The following ACYP2 variants were observed in gnomAD, a reference collection of about 807,000 sequenced individuals.
The protein encoded by ACYP2 is acylphosphatase 2, also known as acylphosphatase-2.
A neutral mutation model predicts 11.2 loss-of-function variants in ACYP2; 12 were observed. The ratio of observed to expected loss-of-function variants is 1.08; its 90% CI spans 0.69 to 1.74. The LOEUF (loss-of-function observed/expected upper bound fraction) is 1.74, where lower values mean the gene tolerates loss of function less well. Ranked by LOEUF, ACYP2 falls within the 40% of genes most tolerant of loss-of-function variation. The pLI, the probability that ACYP2 is intolerant of heterozygous loss-of-function variation, is 0.00. For missense variants in ACYP2, 134 were observed against 101.9 expected, an observed-to-expected ratio of 1.31 and a Z score of -1.35; for synonymous variants, 43 against 32.2, an observed-to-expected ratio of 1.33 and a Z score of -1.13.
chr2:54,229,072 A>G (rs992283716), intron 6 of ACYP2, among the ~76,000 whole-genome samples: 1 of 152,174 alleles, frequency 6.6e-6, no homozygotes, highest in Non-Finnish European at 1.5e-5. Flanking sequence ...CTCAGAGGCA[A>G]ACAGAAGCAA....
chr2:54,025,243 T>C (rs1674218274), intron 2 of ACYP2, among the ~76,000 whole-genome samples: 1 of 152,158 alleles, frequency 6.6e-6, no homozygotes, highest in African/African-American at 2.4e-5. Context: ...CTAAAATTCA[T>C]ATGGAACCAA....
intron 3 of ACYP2, among the ~76,000 whole-genome samples, chr2:54,054,670 C>G (rs1676029198): frequency 6.6e-6 from 1 of 152,234 alleles, no homozygotes; most frequent in African/African-American, 2.4e-5. Context: ...CTATACATCT[C>G]TGATAATGAT....
intron 2 of ACYP2, chr2:54,030,703 C>T (rs770613767): frequency 5.6e-5 from 10 of 178,696 alleles, no homozygotes; most frequent in South Asian, 1.2e-4. Context: ...TACTGGAAGA[C>T]GGCGGTTCCA....
At chr2:54,295,347 T>C (rs544177990) in intron 6 of ACYP2, among the ~76,000 whole-genome samples, 5 of 152,368 alleles carry the variant, frequency 3.3e-5, no homozygotes. Flanking sequence ...GCTTGTGTTC[T>C]TCAGAAGGGA....
chr2:54,089,152 C>A (rs555069922), intron 4 of ACYP2, among the ~76,000 whole-genome samples: 3 of 152,210 alleles, frequency 2.0e-5, no homozygotes, highest in Non-Finnish European at 4.4e-5. Flanking sequence ...CAGCAAAGGA[C>A]TAGCTCTTAT....
chr2:54,135,549 C>A, intron 5 of ACYP2, 80 bp downstream of exon 2: 2 of 1,237,904 alleles, frequency 1.6e-6, no homozygotes, highest in Non-Finnish European at 2.3e-6. Context: ...CAGTTTTCTA[C>A]TTGGCGCTAG....
At chr2:54,216,386 A>T (rs1685560045) in intron 6 of ACYP2, among the ~76,000 whole-genome samples, 1 of 152,230 alleles carries the variant, frequency 6.6e-6, no homozygotes, top group African/African-American at 2.4e-5. Flanking sequence ...TTGTCAAATT[A>T]TACAAATATT....
intron 2 of ACYP2, among the ~76,000 whole-genome samples, chr2:54,024,494 A>G (rs1674173590): frequency 6.6e-6 from 1 of 152,244 alleles, no homozygotes; most frequent in Admixed American, 6.5e-5. Flanking sequence ...AAACCACGTG[A>G]TCATCTTAAT....
At chr2:54,301,880 C>G (rs1296666682) in intron 6 of ACYP2, among the ~76,000 whole-genome samples, 1 of 152,128 alleles carries the variant, frequency 6.6e-6, no homozygotes, top group Non-Finnish European at 1.5e-5. Context: ...CAGAACACTC[C>G]TAGCTGAGGA....
chr2:54,046,000 G>T (rs1348177998), intron 2 of ACYP2, among the ~76,000 whole-genome samples: 1 of 151,062 alleles, frequency 6.6e-6, no homozygotes, highest in Non-Finnish European at 1.5e-5. Flanking sequence ...GCAAAACCCA[G>T]TCTCTAAAAA....
At chr2:54,285,428 T>G (rs1407990111) in intron 6 of ACYP2, among the ~76,000 whole-genome samples, 1 of 152,216 alleles carries the variant, frequency 6.6e-6, no homozygotes, top group Non-Finnish European at 1.5e-5. Context: ...CATCTAGCCC[T>G]GTGGCATTAA....
At chr2:54,004,010 G>A (rs1460447121) in intron 2 of ACYP2, among the ~76,000 whole-genome samples, 1 of 151,850 alleles carries the variant, frequency 6.6e-6, no homozygotes, top group African/African-American at 2.4e-5. Flanking sequence ...CTGAGATGGA[G>A]TCTTGCTTTG....
At chr2:54,284,567 C>A (rs975057736) in intron 6 of ACYP2, among the ~76,000 whole-genome samples, 1 of 152,084 alleles carries the variant, frequency 6.6e-6, no homozygotes, top group Admixed American at 6.6e-5. Context: ...TCTATTATTG[C>A]TCTCTTTCAC....
intron 4 of ACYP2, among the ~76,000 whole-genome samples, chr2:54,130,054 C>T (rs1393409050): frequency 2.6e-5 from 4 of 151,846 alleles, no homozygotes; most frequent in Admixed American, 6.6e-5. Context: ...GTGTTGGGGA[C>T]ACAGTGGTAA....
At chr2:54,025,953 T>C (rs13392302) in intron 2 of ACYP2, among the ~76,000 whole-genome samples, 1,644 of 152,056 alleles carry the variant, frequency 0.011, 25 homozygotes, top group African/African-American at 0.038. Flanking sequence ...CCCATCTCCA[T>C]TAAAAATATA....
intron 6 of ACYP2, among the ~76,000 whole-genome samples, chr2:54,148,457 A>G (rs1456703957): frequency 1.3e-5 from 2 of 152,230 alleles, no homozygotes; most frequent in African/African-American, 2.4e-5. Flanking sequence ...AGTGCCTGGC[A>G]TGTAGTAATA....
At chr2:54,092,809 G>C (rs1251585025) in intron 4 of ACYP2, among the ~76,000 whole-genome samples, 1 of 152,196 alleles carries the variant, frequency 6.6e-6, no homozygotes, top group Non-Finnish European at 1.5e-5. Flanking sequence ...GCTCTGCTCA[G>C]ATCCCCACTT....
chr2:54,291,573 G>A (rs1689306875), intron 6 of ACYP2, among the ~76,000 whole-genome samples: 1 of 152,220 alleles, frequency 6.6e-6, no homozygotes, highest in Non-Finnish European at 1.5e-5. Flanking sequence ...CGCAGCAAGA[G>A]TTTCAAATGT....
chr2:53,975,861 T>C (rs1010684244), intron 2 of ACYP2, among the ~76,000 whole-genome samples: 1 of 152,090 alleles, frequency 6.6e-6, no homozygotes, highest in Non-Finnish European at 1.5e-5. Context: ...GATGTTATCC[T>C]TTTAACCAGA....
Sources: allele counts gnomAD v4.1 joint callset (sites outside exome capture counted in the v4.1 genomes callset), GRCh38; gene constraint gnomAD v4.1.1; transcripts MANE v1.5; gene names NCBI Gene and HGNC (gene_info 2026-07-23, HGNC 2026-07-21).